The following CLDN15 variants were observed in gnomAD, a reference collection of about 807,000 sequenced individuals.
CLDN15 encodes the protein claudin 15, also known as claudin-15.
In CLDN15, 9 loss-of-function variants were observed where a neutral mutation model predicts 24.5. The observed-to-expected ratio is 0.37, with a 90% CI of 0.22 to 0.64. The LOEUF is 0.64. CLDN15 is among the 30% of genes least tolerant of loss of function. The pLI, the probability that CLDN15 is intolerant of heterozygous loss-of-function variation, is 0.63. For synonymous variants in CLDN15, 149 were observed against 131.4 expected (o/e 1.13, Z -0.92); for missense variants, 248 against 305.9 (o/e 0.81, Z 1.41).
At chr7:101,238,087 G>T (rs1376106558), upstream of CLDN15, 6 of 207,520 alleles carry the variant, frequency 2.9e-5, no homozygotes, top group East Asian at 5.3e-4. Context: ...AGAGACAGAC[G>T]TGAGAGCAAT....
In CLDN15 at chr7:101,234,457, A is replaced by T; in HGVS notation, c.218-15T>A. 1 of 1,595,336 alleles carries T rather than the reference A, an allele frequency of 6.3e-7. No homozygotes were observed. The highest frequency in any genetic ancestry group is 8.6e-7 in the Non-Finnish European group (1 of 1,164,454). ...CTGAATATACCCTGGGGGTGGGCAC[A>T]GTTGTCAGCCTTTCCCATCTCCCCT... On this transcript the variant is annotated splice_polypyrimidine_tract_variant and intron_variant, in intron 1 of 4. Transcript: ENST00000308344.
Position 101,237,218 on chromosome 7 carries a change from C to T in CLDN15, c.217+147G>A, listed in dbSNP as rs558233501. 15 of 660,570 alleles carry T rather than the reference C, an allele frequency of 2.3e-5. No homozygotes were observed. Among genetic ancestry groups the T allele is most frequent in the Non-Finnish European group, 3.0e-5 (11 of 369,474 alleles). 40.9% of individuals were successfully genotyped at this position (660,570 alleles called of 1,614,324 possible). The stretch of plus-strand genomic sequence containing the variant: ...CTTCACTCCAGTTCTAGGCATGGGC[C>T]GCCCCCAGCACTCCTGGCTGCGGGA... On this transcript the variant is annotated intron_variant, in intron 1 of 4. Coordinates refer to ENST00000308344, the MANE Select transcript of CLDN15 (RefSeq NM_014343.3). This position sits in a 1 kb window ranked among gnomAD's most constrained non-coding sequence, Gnocchi z 4.0.
At position 101,232,420 on chromosome 7, in the gene CLDN15, G is replaced by A. The variant is rs781681270; in HGVS notation, c.677C>T (p.Ala226Val). 5.6e-6 allele frequency: 9 copies of A among 1,611,700 alleles called. No homozygotes were observed. The highest frequency in any genetic ancestry group is 7.6e-6 in the Non-Finnish European group (9 of 1,178,302). The change falls in exon 5 of 5, where the codon GCC (alanine) becomes GTC (valine). Residue 226 changes from alanine to valine, a missense_variant. Ala to Val is a moderately conservative substitution (Grantham distance 64, BLOSUM62 0). Coordinates refer to ENST00000308344, the MANE Select transcript of CLDN15 (RefSeq NM_014343.3). ...CACGGGCCAGAGCTGCTACACGTAG[G>A]CGTTTCTGCCGTATTTGCCAAAGCT... ...DSSFGKYGRN[A>V]YV is the part of the protein sequence containing the mutation.
In CLDN15 at chr7:101,237,567, C is replaced by T; in HGVS notation, c.15G>A (p.Val5=). The T allele has an allele frequency of 6.2e-7, 1 of 1,614,032 alleles. No individual in the cohort carries two copies. Among genetic ancestry groups the T allele is most frequent in the Admixed American group, 1.7e-5 (1 of 60,002 alleles). The change falls in exon 1 of 5, where the codon GTG becomes GTA. Residue 5 remains valine, a synonymous_variant. Transcript: ENST00000308344. This position sits in a 1 kb window ranked among gnomAD's most constrained non-coding sequence, Gnocchi z 4.0. MSMA[V]ETFGFFMATV... is the part of the protein sequence containing the mutation. ...TTGCCATGAAGAAGCCAAAGGTTTCCACAGCCATCGACATGGTGGGATGCA... is the reference window on the plus strand; with the variant it reads ...TTGCCATGAAGAAGCCAAAGGTTTCTACAGCCATCGACATGGTGGGATGCA...
Position 101,237,622 on chromosome 7 carries a change from G to T in CLDN15, c.-41C>A. The T allele has an allele frequency of 6.8e-7, 1 of 1,476,334 alleles. No individual in the cohort carries two copies. The allele number at this position is 1,476,334 out of a possible 1,614,324, so 91.5% of individuals were successfully genotyped here. ...CCTGGGGGGCTGGTGCCCCAGAGAG[G>T]GGGAGGGGCAGAACCCCTAGGGAAC... On this transcript the variant is annotated 5_prime_UTR_variant, in exon 1 of 5. Transcript: ENST00000308344. This position sits in a 1 kb window ranked among gnomAD's most constrained non-coding sequence, Gnocchi z 4.0.
chr7:101,236,668 A>G (rs999592887), intron 1 of CLDN15: 5 of 1,164,482 alleles, frequency 4.3e-6, no homozygotes, highest in Admixed American at 5.1e-5. Flanking sequence ...CCACAGAAAG[A>G]ACTGCCCTGG....
chr7:101,234,485 GCGA>G, intron 1 of CLDN15, 43 bp from the exon 2 acceptor site: 3 of 1,481,016 alleles, frequency 2.0e-6, no homozygotes, highest in Non-Finnish European at 2.8e-6. Context: ...TCTCCCCTCT[GCGA>G]CGGAGCCAGC....
chr7:101,234,090 C>G (rs143800908), intron 2 of CLDN15, 188 bp downstream of exon 2: 1 of 721,232 alleles, frequency 1.4e-6, no homozygotes, highest in Non-Finnish European at 2.5e-6. Context: ...GAAACACTGC[C>G]GATGGGCTGA....
Position 101,237,481 on chromosome 7 carries a change from A to G in CLDN15, c.101T>C (p.Val34Ala). The change falls in exon 1 of 5, where the codon GTG (valine) becomes GCG (alanine). Residue 34 changes from valine to alanine, a missense_variant. Coordinates refer to ENST00000308344, the MANE Select transcript of CLDN15 (RefSeq NM_014343.3). The surrounding 1 kb of genome is among the most constrained non-coding windows in gnomAD (Gnocchi z 4.0). ...GTTGGTGGTGATGACGTTCCCGTGC[A>G]CAGTGGACACTCGCCAGTAGCTGTT... ...LPNSYWRVSTVHGNVITTNTI... is the reference protein window; with the variant it reads ...LPNSYWRVSTAHGNVITTNTI... 1 of 1,614,116 alleles carries G rather than the reference A, an allele frequency of 6.2e-7. No individual in the cohort carries two copies.
At chr7:101,235,630 T>G (rs1798606624) in intron 1 of CLDN15, among the ~76,000 whole-genome samples, 1 of 152,118 alleles carries the variant, frequency 6.6e-6, no homozygotes, top group South Asian at 2.1e-4. Flanking sequence ...GGGGCATAAC[T>G]GTTGGTGCTG....
intron 3 of CLDN15, 37 bp from the exon 4 acceptor site, chr7:101,232,757 G>A (rs369012086): frequency 5.1e-6 from 8 of 1,583,652 alleles, no homozygotes; most frequent in Non-Finnish European, 5.2e-6. Flanking sequence ...GGGGACAAGT[G>A]AGACGCCAGC....
chr7:101,237,896 C>T (rs529104553), upstream of CLDN15: 5 of 387,626 alleles, frequency 1.3e-5, no homozygotes, highest in Non-Finnish European at 2.5e-5. This position sits in a 1 kb window ranked among gnomAD's most constrained non-coding sequence, Gnocchi z 4.0. Context: ...TCTGGGCTGC[C>T]CCGGGCTCCC....
intron 1 of CLDN15, among the ~76,000 whole-genome samples, chr7:101,234,729 C>T (rs976659212): frequency 6.6e-6 from 1 of 151,966 alleles, no homozygotes; most frequent in Non-Finnish European, 1.5e-5. Flanking sequence ...GCCAGGCCCC[C>T]CTCACCTTCT....
At position 101,234,265 on chromosome 7, in the gene CLDN15, T is replaced by G; in HGVS notation, c.382+13A>C. ...TGAGGGGGACCCCCGCCCCATCACC[T>G]TCCCCCAGTTACCGGCCAGAATGTG... On this transcript the variant is annotated intron_variant, in intron 2 of 4. Coordinates refer to ENST00000308344, the MANE Select transcript of CLDN15 (RefSeq NM_014343.3). 6.3e-7 allele frequency: 1 copy of G among 1,597,420 alleles called. No individual in the cohort carries two copies. The highest frequency in any genetic ancestry group is 1.1e-5 in the South Asian group (1 of 90,932).
rs777839895 is a variant in CLDN15, at chr7:101,237,609, G to A, written c.-28C>T. ...TGGGATGCAGGACCCTGGGGGGCTG[G>A]TGCCCCAGAGAGGGGGAGGGGCAGA... On this transcript the variant is annotated 5_prime_UTR_variant, in exon 1 of 5. Coordinates refer to ENST00000308344, the MANE Select transcript of CLDN15 (RefSeq NM_014343.3). This position sits in a 1 kb window ranked among gnomAD's most constrained non-coding sequence, Gnocchi z 4.0. 4 of 1,561,074 alleles carry A rather than the reference G, an allele frequency of 2.6e-6. No individual in the cohort carries two copies. The highest frequency in any genetic ancestry group is 2.2e-5 in the East Asian group (1 of 44,586).
intron 2 of CLDN15, 33 bp downstream of exon 2, chr7:101,234,245 G>T: frequency 6.4e-7 from 1 of 1,564,300 alleles, no homozygotes. Context: ...GCGGTTGAGG[G>T]GGACCCCCGC....
At chr7:101,236,978 C>T (rs1281357406) in intron 1 of CLDN15, 1 of 426,028 alleles carries the variant, frequency 2.3e-6, no homozygotes, top group Non-Finnish European at 4.6e-6. Context: ...CTCAACCGTA[C>T]TGAGTGCCTA....
In CLDN15 at chr7:101,237,196, C is replaced by A. The variant is rs1422790536; in HGVS notation, c.217+169G>T. ...AGGGGGCCACGTGTGGCAAGGTCTT[C>A]ACTCCAGTTCTAGGCATGGGCCGCC... On this transcript the variant is annotated intron_variant, in intron 1 of 4. Transcript: ENST00000308344. The surrounding 1 kb of genome is among the most constrained non-coding windows in gnomAD (Gnocchi z 4.0). Among the ~76,000 whole-genome samples, 2 of 151,548 alleles carry A rather than the reference C, an allele frequency of 1.3e-5. No homozygotes were observed. The highest frequency in any genetic ancestry group is 2.9e-5 in the Non-Finnish European group (2 of 68,028).
rs202072248 is a variant in CLDN15 at position 101,237,335 on chromosome 7, T to G, written c.217+30A>C. On this transcript the variant is annotated intron_variant, in intron 1 of 4. Transcript: ENST00000308344. The surrounding 1 kb of genome is among the most constrained non-coding windows in gnomAD (Gnocchi z 4.0). ...GGTCTCTGCAGCTTCCCCGCCGCCC[T>G]CTCTCCCTGGAGCGCTCCCCACCCC... The G allele has an allele frequency of 1.1e-5, 16 of 1,456,304 alleles. No individual in the cohort carries two copies. In the East Asian group the frequency reaches 3.8e-4, roughly 35 times the overall value. 90.2% of individuals were successfully genotyped at this position (1,456,304 alleles called of 1,614,324 possible).
Sources: allele counts gnomAD v4.1 joint callset (sites outside exome capture counted in the v4.1 genomes callset), GRCh38; gene constraint gnomAD v4.1.1; non-coding constraint Gnocchi (gnomAD v3.1); transcripts MANE v1.5; gene names NCBI Gene and HGNC (gene_info 2026-07-23, HGNC 2026-07-21).